Variants in TEX10 observed in about 807,000 individuals in gnomAD.
The protein encoded by TEX10 is testis-expressed protein 10.
Under a neutral mutation model 104.4 loss-of-function variants are expected in TEX10, and 24 were observed. That is an observed-to-expected ratio of 0.23 (90% CI 0.17 to 0.32). The LOEUF is 0.32. TEX10 is among the 10% of genes least tolerant of loss of function. TEX10 has a pLI of 1.00. For missense variants in TEX10, 921 were observed against 1,083.9 expected, an observed-to-expected ratio of 0.85 and a Z score of 2.11; for synonymous variants, 396 against 393.4, an observed-to-expected ratio of 1.01 and a Z score of -0.08.
Position 100,346,260 on chromosome 9 carries a change from G to A in TEX10, c.949C>T (p.Leu317=). Reference sequence around the variant, plus strand: ...ATTATTATCTCAATAAATCCTTTCAGGTTTTCAGTAGATGACAGGCCTTCA... The same window carrying A: ...ATTATTATCTCAATAAATCCTTTCAAGTTTTCAGTAGATGACAGGCCTTCA... ...VDEGLSSTEN[L]KGFIEIIIPL... Residue 317 remains leucine (L), a synonymous_variant, in exon 4 of 15, where the codon CTG becomes TTG. Transcript: ENST00000374902. 2 of 1,613,986 alleles carry A rather than the reference G, an allele frequency of 1.2e-6. No individual in the cohort carries two copies. Among genetic ancestry groups the A allele is most frequent in the Non-Finnish European group, 1.7e-6 (2 of 1,179,940 alleles).
intron 11 of TEX10, among the ~76,000 whole-genome samples, chr9:100,312,972 G>C (rs944365957): frequency 6.6e-6 from 1 of 152,062 alleles, no homozygotes; most frequent in African/African-American, 2.4e-5. Flanking sequence ...CTAGAGATAG[G>C]AAGAACATGA....
rs754819487 is a variant in TEX10, at chr9:100,303,732, A to G, written c.2576T>C (p.Val859Ala). The G allele has an allele frequency of 6.2e-7, 1 of 1,614,098 alleles. No homozygotes were observed. Among genetic ancestry groups the G allele is most frequent in the South Asian group, 1.1e-5 (1 of 91,062 alleles). ...CAGCAGTCGAAGCAGCTGGCCCACA[A>G]CAGGCAGCTCCTCAGGCCCAACTCT... Reference protein sequence around the residue: ...VNRVGPEELPVVGQLLRLLLQ... With the variant: ...VNRVGPEELPAVGQLLRLLLQ... Residue 859 changes from valine to alanine, a missense_variant, in exon 14 of 15, where the codon GTT becomes GCT. Val to Ala is a moderately conservative substitution (Grantham distance 64). Coordinates refer to ENST00000374902, the MANE Select transcript of TEX10 (RefSeq NM_017746.4).
rs747522018 is a variant in TEX10 at position 100,321,724 on chromosome 9, CTCA to C, written c.2024_2026del (p.Met675del). 2 of 1,612,650 alleles carry C rather than the reference CTCA, an allele frequency of 1.2e-6. No homozygotes were observed. Among genetic ancestry groups the C allele is most frequent in the East Asian group, 4.5e-5 (2 of 44,766 alleles). On this transcript the variant is annotated inframe_deletion, in exon 10 of 15. Transcript: ENST00000374902. ...TAAGAAGCTGAAATAGTCTACATCA[CTCA>C]TCAACCAGTCTTTAGCTGAATACTT...
intron 11 of TEX10, among the ~76,000 whole-genome samples, chr9:100,311,644 C>T (rs1450636453): frequency 6.6e-6 from 1 of 152,058 alleles, no homozygotes; most frequent in Non-Finnish European, 1.5e-5. Context: ...CATAACACTG[C>T]CTTCTCTAAA....
chr9:100,343,524 C>T (rs1018618802), intron 4 of TEX10, among the ~76,000 whole-genome samples: 1 of 151,384 alleles, frequency 6.6e-6, no homozygotes, highest in African/African-American at 2.4e-5. Context: ...TATTCAGCCA[C>T]TGCATGTAAG....
chr9:100,315,943 TCTC>T lies in TEX10; in HGVS notation c.2202+4319_2202+4321del, dbSNP rs1426787943. Among the ~76,000 whole-genome samples the T allele has an allele frequency of 2.0e-5, 3 of 152,244 alleles. No individual in the cohort carries two copies. In the East Asian group the frequency reaches 5.8e-4, roughly 29 times the overall value. Reference sequence around the variant, plus strand: ...GGCCTTCTGTATCTGGACGTCTAAATCTCCTGGTAGGCTTGGAAAGTTTTCATC... The same window carrying T: ...GGCCTTCTGTATCTGGACGTCTAAATCTGGTAGGCTTGGAAAGTTTTCATC... On this transcript the variant is annotated intron_variant, in intron 11 of 14. Transcript: ENST00000374902.
intron 8 of TEX10, among the ~76,000 whole-genome samples, 183 bp downstream of exon 8, chr9:100,327,601 CCTT>C (rs1834740521): frequency 2.0e-5 from 3 of 152,124 alleles, no homozygotes; most frequent in Middle Eastern, 6.8e-3. Context: ...CAATCATTAA[CCTT>C]CTATATTCTA....
chr9:100,311,642 T>G (rs1325524382), intron 11 of TEX10, among the ~76,000 whole-genome samples: 1 of 152,154 alleles, frequency 6.6e-6, no homozygotes, highest in Non-Finnish European at 1.5e-5. Context: ...ATCATAACAC[T>G]GCCTTCTCTA....
chr9:100,348,558 G>A (rs75554399), intron 2 of TEX10, among the ~76,000 whole-genome samples: 20,126 of 152,044 alleles, frequency 0.13, 1,385 homozygotes, highest in Non-Finnish European at 0.15. Context: ...ATCTTAATTC[G>A]CTAAAAAACA....
chr9:100,317,650 A>G (rs917870559), intron 11 of TEX10, among the ~76,000 whole-genome samples: 1 of 152,178 alleles, frequency 6.6e-6, no homozygotes, highest in Non-Finnish European at 1.5e-5. Flanking sequence ...TCATTACACT[A>G]AAAAATTTCT....
At chr9:100,335,199 G>A (rs1358699517) in intron 5 of TEX10, among the ~76,000 whole-genome samples, 1 of 152,012 alleles carries the variant, frequency 6.6e-6, no homozygotes, top group Non-Finnish European at 1.5e-5. Flanking sequence ...CGTTCTCAAG[G>A]GTCAAGACTT....
At chr9:100,315,261 G>A (rs1588168013) in intron 11 of TEX10, among the ~76,000 whole-genome samples, 1 of 152,110 alleles carries the variant, frequency 6.6e-6, no homozygotes, top group South Asian at 2.1e-4. Flanking sequence ...TTCTATAAAT[G>A]TCTGTAAGGT....
intron 4 of TEX10, among the ~76,000 whole-genome samples, chr9:100,342,380 C>T (rs556708402): frequency 3.5e-4 from 53 of 152,256 alleles, no homozygotes; most frequent in Middle Eastern, 3.4e-3. Context: ...AGGGCAAGCA[C>T]CTTATCAACC....
At chr9:100,323,266 TG>T (rs1410189273) in intron 9 of TEX10, among the ~76,000 whole-genome samples, 3 of 152,198 alleles carry the variant, frequency 2.0e-5, no homozygotes, top group Non-Finnish European at 4.4e-5. Flanking sequence ...TTTCCAAGCC[TG>T]AACACTTCTG....
chr9:100,340,558 C>T (rs540993907), intron 4 of TEX10, among the ~76,000 whole-genome samples, 189 bp from the exon 5 acceptor site: 1 of 152,200 alleles, frequency 6.6e-6, no homozygotes, highest in East Asian at 1.9e-4. Flanking sequence ...ATCTATAGAT[C>T]CTTTTGGTGC....
intron 2 of TEX10, among the ~76,000 whole-genome samples, chr9:100,348,725 G>A (rs898075193): frequency 1.3e-5 from 2 of 152,022 alleles, no homozygotes; most frequent in African/African-American, 4.8e-5. Flanking sequence ...ACCAGCCTGG[G>A]CAACATATTG....
chr9:100,313,677 C>T (rs1410639390), intron 11 of TEX10, among the ~76,000 whole-genome samples: 7 of 151,680 alleles, frequency 4.6e-5, no homozygotes, highest in African/African-American at 7.3e-5. Context: ...GGTGAAACCC[C>T]GTCTCTACTA....
At chr9:100,327,666 C>A in intron 8 of TEX10, 121 bp downstream of exon 8, 1 of 594,668 alleles carries the variant, frequency 1.7e-6, no homozygotes, top group Non-Finnish European at 2.7e-6. Context: ...GGCAATTTAA[C>A]CATGGTATTA....
chr9:100,335,715 G>T (rs1196153551), intron 5 of TEX10, among the ~76,000 whole-genome samples: 3 of 151,176 alleles, frequency 2.0e-5, no homozygotes, highest in African/African-American at 7.3e-5. Context: ...TCAAAACAAT[G>T]AAAAATGCAA....
Sources: allele counts gnomAD v4.1 joint callset (sites outside exome capture counted in the v4.1 genomes callset), GRCh38; gene constraint gnomAD v4.1.1; transcripts MANE v1.5; gene names NCBI Gene and HGNC (gene_info 2026-07-23, HGNC 2026-07-21).